ERC2: variants seen among roughly 807,000 people sequenced by gnomAD.
ERC2 encodes the protein ELKS/RAB6-interacting/CAST family member 2.
ERC2 carries 42 observed loss-of-function variants against 114.8 expected under a neutral mutation model. The ratio of observed to expected loss-of-function variants is 0.37; its 90% CI spans 0.29 to 0.47. The LOEUF (loss-of-function observed/expected upper bound fraction) is 0.47, where lower values mean the gene tolerates loss of function less well. ERC2 is among the 20% of genes least tolerant of loss of function. ERC2 has a pLI of 0.99. For missense variants in ERC2, 939 were observed against 1,150.7 expected, an observed-to-expected ratio of 0.82 and a Z score of 2.66; for synonymous variants, 454 against 425.5, an observed-to-expected ratio of 1.07 and a Z score of -0.82.
Position 55,795,119 on chromosome 3 carries a change from A to T in ERC2, c.2565-60201T>A, listed in dbSNP as rs138793040. On this transcript the variant is annotated intron_variant, in intron 14 of 17. Transcript: ENST00000288221. Reference sequence around the variant, plus strand: ...AAACACAGCTTTTTTTAAATCCTAAAAAAAAGTACATTAACGTTCTTTCAA... The same window carrying T: ...AAACACAGCTTTTTTTAAATCCTAATAAAAAGTACATTAACGTTCTTTCAA... Among the ~76,000 whole-genome samples, 351 of 152,322 alleles carry T rather than the reference A, an allele frequency of 2.3e-3. 2 individuals are homozygous for T. Among genetic ancestry groups the T allele is most frequent in the Admixed American group, 5.1e-3 (78 of 15,294 alleles).
intron 14 of ERC2, among the ~76,000 whole-genome samples, chr3:55,784,831 T>C (rs2069354821): frequency 6.6e-6 from 1 of 152,254 alleles, no homozygotes; most frequent in African/African-American, 2.4e-5. Context: ...ATGTGCTGGA[T>C]GGAAGTTGCT....
At chr3:55,673,505 C>A (rs145575733) in intron 17 of ERC2, among the ~76,000 whole-genome samples, 1 of 152,120 alleles carries the variant, frequency 6.6e-6, no homozygotes, top group East Asian at 1.9e-4. Context: ...ATCACTTGAA[C>A]CTGGGAGACG....
intron 17 of ERC2, among the ~76,000 whole-genome samples, chr3:55,518,443 C>T (rs1034047232): frequency 6.6e-6 from 1 of 152,176 alleles, no homozygotes; most frequent in African/African-American, 2.4e-5. Context: ...ACTTTTCTGA[C>T]ATAAAAACAG....
At chr3:56,235,782 G>A (rs1947347) in intron 3 of ERC2, among the ~76,000 whole-genome samples, 86,493 of 152,038 alleles carry the variant, frequency 0.57, 25,234 homozygotes, top group East Asian at 0.85. Flanking sequence ...ATTTGCACCA[G>A]CCACATTTTA....
chr3:56,298,240 T>C (rs1254528474), intron 2 of ERC2, among the ~76,000 whole-genome samples: 1 of 152,238 alleles, frequency 6.6e-6, no homozygotes, highest in Non-Finnish European at 1.5e-5. Context: ...ATGCCTGTTA[T>C]GGACCTTTCA....
intron 2 of ERC2, among the ~76,000 whole-genome samples, chr3:56,358,870 AT>A (rs1255430928): frequency 2.0e-5 from 3 of 152,254 alleles, no homozygotes; most frequent in African/African-American, 7.2e-5. Flanking sequence ...CCTGTAGGTT[AT>A]TATTCTTAGT....
chr3:55,586,904 GA>G (rs1423718562), intron 17 of ERC2, among the ~76,000 whole-genome samples: 1 of 151,910 alleles, frequency 6.6e-6, no homozygotes, highest in Non-Finnish European at 1.5e-5. Flanking sequence ...TTTTTTCTAT[GA>G]ACAAAAAAGA....
At position 56,017,362 on chromosome 3, in the gene ERC2, T is replaced by C. The variant is rs571216007; in HGVS notation, c.1779+1532A>G. 5.3e-5 allele frequency among the ~76,000 whole-genome samples: 8 copies of C among 152,328 alleles called. No individual in the cohort carries two copies. The East Asian group carries it at 1.5e-3, about 29-fold the overall frequency. ...TTTTAAAAGTAAGTAAACATCAGAA[T>C]GAGCTGTTTGCCTAAAGGATTTTAT... On this transcript the variant is annotated intron_variant, in intron 8 of 17. Coordinates refer to ENST00000288221, the MANE Select transcript of ERC2 (RefSeq NM_015576.3).
chr3:56,209,127 G>A (rs2048908751), intron 3 of ERC2, among the ~76,000 whole-genome samples: 1 of 152,056 alleles, frequency 6.6e-6, no homozygotes. Context: ...TTGCCACTCT[G>A]CCCAGCCTCC....
At chr3:55,803,791 T>C (rs145673988) in intron 14 of ERC2, among the ~76,000 whole-genome samples, 1,688 of 152,314 alleles carry the variant, frequency 0.011, 15 homozygotes, top group Middle Eastern at 0.031. Flanking sequence ...ATGGGACTGA[T>C]TGCAGGAGAA....
chr3:55,980,227 A>G (rs2069999393), intron 12 of ERC2, among the ~76,000 whole-genome samples: 2 of 152,110 alleles, frequency 1.3e-5, no homozygotes, highest in Admixed American at 1.3e-4. Flanking sequence ...ATTACTCTGA[A>G]TCTAGAGTAA....
In ERC2 at chr3:55,960,447, A is replaced by G. The variant is rs139572947; in HGVS notation, c.2268-9887T>C. Among the ~76,000 whole-genome samples, 788 of 152,242 alleles carry G rather than the reference A, an allele frequency of 5.2e-3. 6 individuals carry two copies. Among genetic ancestry groups the G allele is most frequent in the African/African-American group, 0.018 (728 of 41,550 alleles). On this transcript the variant is annotated intron_variant, in intron 12 of 17. Coordinates refer to ENST00000288221, the MANE Select transcript of ERC2 (RefSeq NM_015576.3). ...AGCTGACTTTTACCCTTTAAGTCTC[A>G]GTTGAAGTAATGCCTCCTCAGAAGG...
rs79943519 is a variant in ERC2 at position 56,386,849 on chromosome 3, A to G, written c.657+47502T>C. Among the ~76,000 whole-genome samples the G allele has an allele frequency of 2.0e-3, 300 of 152,254 alleles. 5 individuals are homozygous for G. Among genetic ancestry groups the G allele is most frequent in the East Asian group, 9.1e-3 (47 of 5,186 alleles). ...TGCCAGATATAACACCATATGTAAG[A>G]CTTTTGGGCAGGTAAAATAATAGGT... On this transcript the variant is annotated intron_variant, in intron 2 of 17. Transcript: ENST00000288221.
chr3:56,413,497 T>C (rs920343848), intron 2 of ERC2, among the ~76,000 whole-genome samples: 1 of 152,104 alleles, frequency 6.6e-6, no homozygotes, highest in African/African-American at 2.4e-5. Context: ...AATCCCTGCA[T>C]GGAAGGACAC....
intron 4 of ERC2, among the ~76,000 whole-genome samples, chr3:56,154,986 T>C (rs1004009492): frequency 6.6e-6 from 1 of 152,218 alleles, no homozygotes; most frequent in African/African-American, 2.4e-5. Flanking sequence ...ACCTTGCTAA[T>C]CCTATAACCT....
intron 3 of ERC2, among the ~76,000 whole-genome samples, chr3:56,217,712 G>T (rs2049586902): frequency 5.3e-5 from 8 of 152,144 alleles, no homozygotes; most frequent in Admixed American, 5.2e-4. Context: ...CAAAGCTGGA[G>T]GCATCACGCT....
At chr3:55,744,317 T>A (rs952469213) in intron 14 of ERC2, among the ~76,000 whole-genome samples, 1 of 152,036 alleles carries the variant, frequency 6.6e-6, no homozygotes, top group Non-Finnish European at 1.5e-5. Context: ...CACAGGAGAA[T>A]CACTGGAACC....
chr3:56,445,136 T>C (rs564325645), intron 1 of ERC2, among the ~76,000 whole-genome samples: 1 of 152,362 alleles, frequency 6.6e-6, no homozygotes, highest in Non-Finnish European at 1.5e-5. Flanking sequence ...CCTTTCTACA[T>C]GGCAATAACT....
chr3:55,654,744 T>C (rs1226889572), intron 17 of ERC2, among the ~76,000 whole-genome samples: 1 of 152,222 alleles, frequency 6.6e-6, no homozygotes, highest in East Asian at 1.9e-4. Flanking sequence ...GTTGGAAGCC[T>C]CCTCTGACAG....
Sources: allele counts gnomAD v4.1 joint callset (sites outside exome capture counted in the v4.1 genomes callset), GRCh38; gene constraint gnomAD v4.1.1; transcripts MANE v1.5; gene names NCBI Gene and HGNC (gene_info 2026-07-23, HGNC 2026-07-21).